Variants in MIPEP observed in about 807,000 individuals in gnomAD.
The protein encoded by MIPEP is mitochondrial intermediate peptidase.
Under a neutral mutation model 90.3 loss-of-function variants are expected in MIPEP, and 79 were observed. The observed-to-expected ratio is 0.87, with a 90% CI of 0.73 to 1.05. The LOEUF (loss-of-function observed/expected upper bound fraction) is 1.05, where lower values mean the gene tolerates loss of function less well. Among genes scored for constraint, MIPEP ranks in the 50% least tolerant of loss-of-function variants. The pLI is 0.00. For synonymous variants in MIPEP, 334 were observed against 315.8 expected, an observed-to-expected ratio of 1.06 and a Z score of -0.61; for missense variants, 940 against 905.6, an observed-to-expected ratio of 1.04 and a Z score of -0.49.
At chr13:23,759,977 T>A in intron 17 of MIPEP, 119 bp downstream of exon 17, 1 of 1,320,862 alleles carries the variant, frequency 7.6e-7, no homozygotes, top group Non-Finnish European at 1.1e-6. Flanking sequence ...AGCCTGCCAC[T>A]TTCTGCCAGG....
chr13:23,768,503 C>A (rs112174973), intron 16 of MIPEP, among the ~76,000 whole-genome samples: 1 of 152,134 alleles, frequency 6.6e-6, no homozygotes, highest in African/African-American at 2.4e-5. Context: ...ATTGCTTGAG[C>A]CCAGGAATTT....
chr13:23,773,259 C>T (rs192111550), intron 16 of MIPEP, among the ~76,000 whole-genome samples: 2 of 152,156 alleles, frequency 1.3e-5, no homozygotes, highest in African/African-American at 2.4e-5. Flanking sequence ...TTTGTCGCAC[C>T]GAGCGTAATG....
Position 23,874,870 on chromosome 13 carries a change from A to G in MIPEP, c.579T>C (p.Ser193=), listed in dbSNP as rs566902063. 7 of 1,601,102 alleles carry G rather than the reference A, an allele frequency of 4.4e-6. No individual in the cohort carries two copies. The African/African-American group carries it at 6.7e-5, about 15-fold the overall frequency. The change falls in exon 5 of 19, where the codon AGT becomes AGC. Residue 193 remains serine (S), a synonymous_variant. Coordinates refer to ENST00000382172, the MANE Select transcript of MIPEP (RefSeq NM_005932.4). ...CCTTTTCTTTGTCTAGATGGATTCC[A>G]CTAATTTCAAAATCAAACATAAACA... ...AELFMFDFEI[S]GIHLDKEKRK...
chr13:23,835,589 G>A (rs1016999363), intron 14 of MIPEP, among the ~76,000 whole-genome samples: 1 of 152,084 alleles, frequency 6.6e-6, no homozygotes. Context: ...ACGTAATACG[G>A]TTCTAGTATA....
At chr13:23,833,735 A>T (rs542185323) in intron 14 of MIPEP, among the ~76,000 whole-genome samples, 2 of 152,182 alleles carry the variant, frequency 1.3e-5, no homozygotes, top group South Asian at 4.2e-4. Flanking sequence ...TTTTACTTTT[A>T]AAAAAATGAC....
chr13:23,814,857 C>T (rs1229638073), intron 14 of MIPEP, among the ~76,000 whole-genome samples: 1 of 152,182 alleles, frequency 6.6e-6, no homozygotes. Flanking sequence ...TTTCAAATTC[C>T]TATGATTGCG....
intron 1 of MIPEP, chr13:23,888,034 C>CT (rs139459675): frequency 0.02 from 6,412 of 327,514 alleles, no homozygotes; most frequent in South Asian, 0.034. Flanking sequence ...CTGAATAAGG[C>CT]TTTTTTTTTT....
chr13:23,735,458 C>G (rs1228633321), intron 18 of MIPEP, among the ~76,000 whole-genome samples: 1 of 152,100 alleles, frequency 6.6e-6, no homozygotes, highest in East Asian at 1.9e-4. Flanking sequence ...GCCATTTATT[C>G]AGAGCCAAGC....
At position 23,885,154 on chromosome 13, in the gene MIPEP, C is replaced by T. The variant is rs187595441; in HGVS notation, c.363+1179G>A. 3.3e-5 allele frequency among the ~76,000 whole-genome samples: 5 copies of T among 152,290 alleles called. No individual in the cohort carries two copies. In the East Asian group the frequency reaches 9.6e-4, roughly 29 times the overall value. ...AATGAGATTATGTCATTTTCAACAA[C>T]ATGGATGGTCATTATGTTTAGTGAA... On this transcript the variant is annotated intron_variant, in intron 2 of 18. Transcript: ENST00000382172.
chr13:23,836,955 G>A (rs1869082171), intron 13 of MIPEP, among the ~76,000 whole-genome samples: 1 of 152,172 alleles, frequency 6.6e-6, no homozygotes, highest in Admixed American at 6.5e-5. Flanking sequence ...ACAAATGCTG[G>A]ATGCCAACAA....
Position 23,752,381 on chromosome 13 carries a change from T to C in MIPEP, c.2044+4164A>G, listed in dbSNP as rs570987945. Among the ~76,000 whole-genome samples the C allele has an allele frequency of 3.3e-5, 5 of 152,290 alleles. 1 individual carries two copies. In the East Asian group the frequency reaches 9.6e-4, roughly 29 times the overall value. ...AGTAAGAAACAATTCTGCTTCCTAG[T>C]GGGGGCAAAGTATTACTTCCTTGCT... On this transcript the variant is annotated intron_variant, in intron 18 of 18. Coordinates refer to ENST00000382172, the MANE Select transcript of MIPEP (RefSeq NM_005932.4).
chr13:23,867,049 A>G (rs551441183), intron 7 of MIPEP, among the ~76,000 whole-genome samples: 15 of 152,140 alleles, frequency 9.9e-5, no homozygotes, highest in African/African-American at 3.6e-4. Context: ...ACTGCAAAAC[A>G]GCATCTAAAC....
chr13:23,874,881 A>T lies in MIPEP; in HGVS notation c.568T>A (p.Phe190Ile). The change falls in exon 5 of 19, where the codon TTT becomes ATT. Residue 190 changes from phenylalanine (F) to isoleucine (I), a missense_variant. By Grantham distance (21) the Phe-to-Ile change is conservative. Transcript: ENST00000382172. ...TCTAGATGGATTCCACTAATTTCAA[A>T]ATCAAACATAAACAGTTCAGCCACT... ...RRVAELFMFD[F>I]EISGIHLDKE... 1 of 1,600,844 alleles carries T rather than the reference A, an allele frequency of 6.2e-7. No homozygotes were observed. Among genetic ancestry groups the T allele is most frequent in the East Asian group, 2.3e-5 (1 of 43,954 alleles).
At chr13:23,821,360 C>T (rs1027188768) in intron 14 of MIPEP, among the ~76,000 whole-genome samples, 1 of 152,166 alleles carries the variant, frequency 6.6e-6, no homozygotes, top group African/African-American at 2.4e-5. Context: ...TATGCCCCTT[C>T]CTAGTTTCTT....
chr13:23,816,162 C>A (rs1020355789), intron 14 of MIPEP, among the ~76,000 whole-genome samples: 13 of 152,160 alleles, frequency 8.5e-5, no homozygotes, highest in Non-Finnish European at 1.8e-4. Context: ...GCTTGGGATT[C>A]TTGAAGCTTC....
intron 14 of MIPEP, among the ~76,000 whole-genome samples, chr13:23,835,998 G>C (rs896386436): frequency 6.6e-6 from 1 of 152,112 alleles, no homozygotes; most frequent in Non-Finnish European, 1.5e-5. Context: ...AGGACTAAAT[G>C]GTAGATTACC....
At chr13:23,869,580 G>A (rs1035952201) in intron 6 of MIPEP, 132 bp from the exon 7 acceptor site, 48 of 829,110 alleles carry the variant, frequency 5.8e-5, no homozygotes, top group Middle Eastern at 6.0e-4. Context: ...TGGTCTACAC[G>A]AGGCCATAAA....
intron 16 of MIPEP, among the ~76,000 whole-genome samples, chr13:23,787,337 A>G (rs1210320268): frequency 6.6e-6 from 1 of 151,434 alleles, no homozygotes; most frequent in Non-Finnish European, 1.5e-5. Flanking sequence ...TGGAGATGGC[A>G]GTTTGCTTGC....
In MIPEP at chr13:23,809,856, T is replaced by C. The variant is rs749865676; in HGVS notation, c.1722A>G (p.Gln574=). 2 of 1,611,162 alleles carry C rather than the reference T, an allele frequency of 1.2e-6. No individual in the cohort carries two copies. The highest frequency in any genetic ancestry group is 2.2e-5 in the East Asian group (1 of 44,816). The part of the protein sequence containing the change: ...SKKVCAAADM[Q]LQVFYATLDQ... Reference sequence around the variant, plus strand: ...AACAAAGGTACATACATACCTGAAGTTGCATATCAGCTGCAGCACAAACCT... The same window carrying C: ...AACAAAGGTACATACATACCTGAAGCTGCATATCAGCTGCAGCACAAACCT... Residue 574 remains glutamine (Q), a synonymous_variant, in exon 15 of 19, where the codon CAA becomes CAG. Transcript: ENST00000382172.
Sources: allele counts gnomAD v4.1 joint callset (sites outside exome capture counted in the v4.1 genomes callset), GRCh38; gene constraint gnomAD v4.1.1; transcripts MANE v1.5; gene names NCBI Gene and HGNC (gene_info 2026-07-23, HGNC 2026-07-21).